ITGA9: variants seen among roughly 807,000 people sequenced by gnomAD.
ITGA9 encodes integrin subunit alpha 9.
ITGA9 carries 56 observed loss-of-function variants against 127.8 expected under a neutral mutation model. The observed-to-expected ratio is 0.44, with a 90% CI of 0.35 to 0.55. The LOEUF (loss-of-function observed/expected upper bound fraction) is 0.55, where lower values mean the gene tolerates loss of function less well. Among genes scored for constraint, ITGA9 ranks in the 20% least tolerant of loss-of-function variants. The pLI, the probability that ITGA9 is intolerant of heterozygous loss-of-function variation, is 0.00. For synonymous variants in ITGA9, 508 were observed against 514.5 expected (o/e 0.99, Z 0.17); for missense variants, 1,196 against 1,347.1 (o/e 0.89, Z 1.76).
At position 37,543,657 on chromosome 3, in the gene ITGA9, G is replaced by T. The variant is rs146741180; in HGVS notation, c.1689+1072G>T. Among the ~76,000 whole-genome samples, 391 of 152,326 alleles carry T rather than the reference G, an allele frequency of 2.6e-3. 3 individuals are homozygous for T. Among genetic ancestry groups the T allele is most frequent in the African/African-American group, 8.9e-3 (369 of 41,568 alleles). On this transcript the variant is annotated intron_variant, in intron 15 of 27. Transcript: ENST00000264741. ...TTTATTAGCCACTGGATTTCTGACT[G>T]ATAGTTTGAAAAGTCTGCAGATTAG...
chr3:37,623,916 G>A (rs1042392368), intron 15 of ITGA9, among the ~76,000 whole-genome samples: 15 of 152,086 alleles, frequency 9.9e-5, no homozygotes, highest in Non-Finnish European at 1.3e-4. Context: ...AAGATTTCTC[G>A]TTTCTAGGAG....
intron 21 of ITGA9, among the ~76,000 whole-genome samples, chr3:37,742,555 A>G (rs1367913591): frequency 1.3e-5 from 2 of 152,226 alleles, no homozygotes; most frequent in African/African-American, 4.8e-5. Context: ...AACAGAGTGC[A>G]TACCTCTTTG....
intron 4 of ITGA9, among the ~76,000 whole-genome samples, chr3:37,488,490 T>G (rs1247740067): frequency 6.6e-6 from 1 of 152,152 alleles, no homozygotes. Context: ...CAAAACTCCT[T>G]TTTTGGTAAT....
chr3:37,783,863 C>A (rs1697007374), intron 25 of ITGA9, among the ~76,000 whole-genome samples: 1 of 152,168 alleles, frequency 6.6e-6, no homozygotes, highest in Non-Finnish European at 1.5e-5. Context: ...GTGCATAACT[C>A]CCAAGTCACA....
chr3:37,777,354 G>A (rs370382987), intron 23 of ITGA9, 38 bp from the exon 24 acceptor site: 13 of 1,611,390 alleles, frequency 8.1e-6, no homozygotes, highest in Non-Finnish European at 1.1e-5. Context: ...ATTCATTCTT[G>A]AGAATGACTC....
intron 15 of ITGA9, among the ~76,000 whole-genome samples, chr3:37,560,376 A>G (rs1360787786): frequency 2.0e-5 from 3 of 152,144 alleles, no homozygotes; most frequent in Non-Finnish European, 4.4e-5. Flanking sequence ...ATTGGTTCCA[A>G]GTCTTTGCTA....
chr3:37,568,299 A>G (rs956339581), intron 15 of ITGA9, among the ~76,000 whole-genome samples: 1 of 152,228 alleles, frequency 6.6e-6, no homozygotes, highest in Non-Finnish European at 1.5e-5. Context: ...TGCACAGAGC[A>G]GGGGGACCCC....
chr3:37,623,426 A>G (rs1392328254), intron 15 of ITGA9, among the ~76,000 whole-genome samples: 1 of 152,100 alleles, frequency 6.6e-6, no homozygotes, highest in African/African-American at 2.4e-5. Context: ...CCACTGCTTC[A>G]CTTTCAGTTT....
chr3:37,518,093 C>CGTGTGTGTGTGTGT (rs55842055), intron 10 of ITGA9, among the ~76,000 whole-genome samples: 4,764 of 144,116 alleles, frequency 0.033, 195 homozygotes, highest in African/African-American at 0.095. Flanking sequence ...AGAGTGTACG[C>CGTGTGTGTGTGTGT]GTGTGTGTGT....
chr3:37,533,759 A>G (rs914394908), intron 14 of ITGA9, among the ~76,000 whole-genome samples: 4 of 152,196 alleles, frequency 2.6e-5, no homozygotes, highest in African/African-American at 9.7e-5. Context: ...GTCCTATGGG[A>G]CTGGTGGAGA....
intron 22 of ITGA9, among the ~76,000 whole-genome samples, chr3:37,744,262 G>A (rs368608649): frequency 5.9e-5 from 9 of 152,162 alleles, no homozygotes; most frequent in Non-Finnish European, 1.0e-4. Context: ...ACAGGTCCAC[G>A]TCATGAATGC....
intron 15 of ITGA9, among the ~76,000 whole-genome samples, chr3:37,577,490 A>G (rs576639359): frequency 1.3e-3 from 201 of 152,342 alleles, no homozygotes; most frequent in Non-Finnish European, 2.1e-3. Context: ...TGTATCATCC[A>G]AATGGGTTTT....
At chr3:37,455,721 T>C (rs1698248793) in intron 1 of ITGA9, among the ~76,000 whole-genome samples, 1 of 152,238 alleles carries the variant, frequency 6.6e-6, no homozygotes, top group Admixed American at 6.5e-5. Flanking sequence ...AGATATTTGC[T>C]TCATGCTAAT....
intron 23 of ITGA9, among the ~76,000 whole-genome samples, chr3:37,758,179 C>T (rs1025703741): frequency 7.4e-5 from 11 of 149,098 alleles, no homozygotes; most frequent in Admixed American, 6.6e-5. Context: ...AAAAATTAGC[C>T]GGGCGCGGTG....
At chr3:37,580,151 G>T (rs1339852361) in intron 15 of ITGA9, among the ~76,000 whole-genome samples, 1 of 151,584 alleles carries the variant, frequency 6.6e-6, no homozygotes, top group African/African-American at 2.4e-5. Context: ...TTGTTGGGGA[G>T]AAATCTTTAT....
intron 7 of ITGA9, among the ~76,000 whole-genome samples, chr3:37,506,593 G>C (rs17036453): frequency 6.6e-6 from 1 of 152,128 alleles, no homozygotes; most frequent in East Asian, 1.9e-4. Context: ...GGAAATATGT[G>C]GGTCTGGCTT....
chr3:37,659,565 A>C (rs1700513006), intron 17 of ITGA9, among the ~76,000 whole-genome samples: 1 of 151,762 alleles, frequency 6.6e-6, no homozygotes, highest in South Asian at 2.1e-4. Flanking sequence ...TGGTTATTTT[A>C]GTTTGCAATT....
In ITGA9 at chr3:37,732,816, G is replaced by C. The variant is rs370985133; in HGVS notation, c.2154+18G>C. 4 of 1,582,526 alleles carry C rather than the reference G, an allele frequency of 2.5e-6. No homozygotes were observed. The African/African-American group carries it at 5.4e-5, about 21-fold the overall frequency. ...AGTCAAAGGTAAGGGACACAGACGG[G>C]ACCCTTCCTCAGCAGCAGGCCCCCA... On this transcript the variant is annotated intron_variant, in intron 19 of 27. Coordinates refer to ENST00000264741, the MANE Select transcript of ITGA9 (RefSeq NM_002207.3).
intron 18 of ITGA9, among the ~76,000 whole-genome samples, chr3:37,700,632 G>A (rs1700936551): frequency 6.6e-6 from 1 of 152,152 alleles, no homozygotes; most frequent in Non-Finnish European, 1.5e-5. Flanking sequence ...ATTACAGAGT[G>A]AGCCACCACA....
Sources: gnomAD v4.1 joint callset for allele counts (sites outside exome capture counted in the v4.1 genomes callset) on GRCh38, gnomAD v4.1.1 for gene constraint, MANE v1.5 for transcripts, NCBI Gene and HGNC (gene_info 2026-07-23, HGNC 2026-07-21) for gene names.